SUPT3H: variants seen among roughly 807,000 people sequenced by gnomAD.
SUPT3H encodes the protein transcription initiation protein SPT3 homolog.
A neutral mutation model predicts 44.3 loss-of-function variants in SUPT3H; 44 were observed. The ratio of observed to expected loss-of-function variants is 0.99; its 90% CI spans 0.78 to 1.28. The LOEUF is 1.28. SUPT3H is among the 50% of genes most tolerant of loss of function. The pLI is 0.00. For synonymous variants in SUPT3H, 124 were observed against 125.6 expected, an observed-to-expected ratio of 0.99 and a Z score of 0.09; for missense variants, 380 against 387.1, an observed-to-expected ratio of 0.98 and a Z score of 0.15.
chr6:45,202,589 T>C (rs554600831), intron 2 of SUPT3H, among the ~76,000 whole-genome samples: 1 of 152,054 alleles, frequency 6.6e-6, no homozygotes, highest in Non-Finnish European at 1.5e-5. Flanking sequence ...GCCTAAATAA[T>C]TGTATCCATA....
At chr6:45,044,163 T>C (rs1432823832) in intron 3 of SUPT3H, among the ~76,000 whole-genome samples, 1 of 152,158 alleles carries the variant, frequency 6.6e-6, no homozygotes, top group African/African-American at 2.4e-5. Flanking sequence ...AATGGTAGTG[T>C]CCATTCATTG....
intron 6 of SUPT3H, among the ~76,000 whole-genome samples, chr6:44,995,074 AATATTATACCTAT>A (rs1198981687): frequency 1.3e-5 from 2 of 152,040 alleles, no homozygotes; most frequent in Non-Finnish European, 2.9e-5. Flanking sequence ...TATATGATGT[AATATTATACCTAT>A]ACATCTTCAA....
At chr6:45,122,417 A>T (rs1196403300) in intron 2 of SUPT3H, among the ~76,000 whole-genome samples, 1 of 152,226 alleles carries the variant, frequency 6.6e-6, no homozygotes, top group Non-Finnish European at 1.5e-5. Context: ...ACTTAGGAAT[A>T]ATTTCACAGT....
At chr6:45,174,037 T>C (rs778248258) in intron 2 of SUPT3H, among the ~76,000 whole-genome samples, 2 of 152,254 alleles carry the variant, frequency 1.3e-5, no homozygotes, top group Non-Finnish European at 2.9e-5. Flanking sequence ...CACCCAGTAA[T>C]TCTTTCATTC....
intron 7 of SUPT3H, among the ~76,000 whole-genome samples, chr6:44,956,484 T>A (rs67327817): frequency 0.55 from 1,432 of 2,610 alleles, 586 homozygotes; most frequent in Middle Eastern, 1. Context: ...AAAAAAAAAA[T>A]AAAAAAAAAA....
At position 45,198,511 on chromosome 6, in the gene SUPT3H, G is replaced by T. The variant is rs7765966; in HGVS notation, c.102-92505C>A. On this transcript the variant is annotated intron_variant, in intron 2 of 10. Coordinates refer to ENST00000371459, the MANE Select transcript of SUPT3H (RefSeq NM_003599.4). ...CATAAGAAAACAAAGAAAAAGAAAA[G>T]AATCAGTCCCAATACATTAATTTGC... Among the ~76,000 whole-genome samples, 83 of 151,244 alleles carry T rather than the reference G, an allele frequency of 5.5e-4. 1 individual carries two copies. The highest frequency in any genetic ancestry group is 2.0e-3 in the African/African-American group (82 of 41,452).
intron 3 of SUPT3H, among the ~76,000 whole-genome samples, chr6:45,030,411 TA>T (rs1786730802): frequency 6.6e-6 from 1 of 152,228 alleles, no homozygotes; most frequent in Admixed American, 6.5e-5. Flanking sequence ...TTCACATTTG[TA>T]AACAGGCATC....
intron 2 of SUPT3H, among the ~76,000 whole-genome samples, chr6:45,115,488 AAAAG>A (rs1479686175): frequency 6.6e-6 from 1 of 152,206 alleles, no homozygotes; most frequent in Non-Finnish European, 1.5e-5. Flanking sequence ...GGTTCTGAAG[AAAAG>A]AAACTCTTGA....
At chr6:44,988,094 G>A (rs1327316894) in intron 6 of SUPT3H, among the ~76,000 whole-genome samples, 2 of 152,074 alleles carry the variant, frequency 1.3e-5, no homozygotes, top group Non-Finnish European at 2.9e-5. Flanking sequence ...CAAAGAGTGA[G>A]ATCTAACCAG....
intron 2 of SUPT3H, among the ~76,000 whole-genome samples, chr6:45,264,772 G>A (rs1183626909): frequency 6.6e-6 from 1 of 151,930 alleles, no homozygotes; most frequent in African/African-American, 2.4e-5. Context: ...AGAAAGGAAG[G>A]GAGGGAAAGA....
chr6:44,899,833 A>G (rs1409539822), intron 10 of SUPT3H, among the ~76,000 whole-genome samples: 1 of 152,070 alleles, frequency 6.6e-6, no homozygotes, highest in African/African-American at 2.4e-5. Flanking sequence ...TTCCTGATGT[A>G]CTCTGGAGGT....
chr6:44,852,314 G>T (rs1165678877), intron 10 of SUPT3H, among the ~76,000 whole-genome samples: 1 of 151,994 alleles, frequency 6.6e-6, no homozygotes, highest in East Asian at 1.9e-4. Flanking sequence ...CATTATGCTT[G>T]GCTGAGGCAT....
intron 3 of SUPT3H, among the ~76,000 whole-genome samples, chr6:45,072,519 C>CTAG (rs2153553696): frequency 6.6e-6 from 1 of 152,114 alleles, no homozygotes; most frequent in East Asian, 1.9e-4. Context: ...TAGACCTTGG[C>CTAG]TTCAGATAGT....
chr6:45,019,977 A>G (rs774785654), intron 4 of SUPT3H, among the ~76,000 whole-genome samples: 12 of 152,028 alleles, frequency 7.9e-5, no homozygotes, highest in Non-Finnish European at 1.3e-4. Context: ...AAAATTAGAC[A>G]CACAAATATC....
At chr6:45,037,676 A>G (rs1375548173) in intron 3 of SUPT3H, among the ~76,000 whole-genome samples, 1 of 151,164 alleles carries the variant, frequency 6.6e-6, no homozygotes, top group Non-Finnish European at 1.5e-5. Context: ...AAATTAAATA[A>G]TTAATTAATT....
At chr6:44,934,641 C>G (rs1455936650) in intron 9 of SUPT3H, among the ~76,000 whole-genome samples, 1 of 152,154 alleles carries the variant, frequency 6.6e-6, no homozygotes, top group African/African-American at 2.4e-5. Context: ...GGAATTAGTT[C>G]CCTTTTAAAG....
chr6:44,898,052 C>T (rs902022458), intron 10 of SUPT3H, among the ~76,000 whole-genome samples: 3 of 152,130 alleles, frequency 2.0e-5, no homozygotes, highest in Non-Finnish European at 2.9e-5. Flanking sequence ...TACTTGCTTA[C>T]CCAATTTTAA....
At chr6:45,366,552 T>C (rs1157972401) in intron 1 of SUPT3H, among the ~76,000 whole-genome samples, 1 of 152,236 alleles carries the variant, frequency 6.6e-6, no homozygotes, top group East Asian at 1.9e-4. Flanking sequence ...AAAAAAGAAT[T>C]CCCCTCCTTT....
At chr6:45,304,176 A>G (rs567768620) in intron 2 of SUPT3H, among the ~76,000 whole-genome samples, 1 of 152,280 alleles carries the variant, frequency 6.6e-6, no homozygotes, top group South Asian at 2.1e-4. Flanking sequence ...TATACTTTTT[A>G]TCTATTTAAA....
Sources: allele counts gnomAD v4.1 joint callset (sites outside exome capture counted in the v4.1 genomes callset), GRCh38; gene constraint gnomAD v4.1.1; transcripts MANE v1.5; gene names NCBI Gene and HGNC (gene_info 2026-07-23, HGNC 2026-07-21).